Variants in COX7A2 observed in about 807,000 individuals in gnomAD.
COX7A2 encodes cytochrome c oxidase subunit 7A2, mitochondrial.
COX7A2 carries 11 observed loss-of-function variants against 11.6 expected under a neutral mutation model. The observed-to-expected ratio is 0.95, with a 90% CI of 0.60 to 1.57. The LOEUF is 1.57. Among genes scored for constraint, COX7A2 ranks in the 40% most tolerant of loss-of-function variants. The pLI, the probability that COX7A2 is intolerant of heterozygous loss-of-function variation, is 0.00. For missense variants in COX7A2, 106 were observed against 100.9 expected, an observed-to-expected ratio of 1.05 and a Z score of -0.22; for synonymous variants, 30 against 38.2, an observed-to-expected ratio of 0.78 and a Z score of 0.79.
intron 1 of COX7A2, among the ~76,000 whole-genome samples, chr6:75,249,474 C>T (rs1181959625): frequency 7.2e-5 from 11 of 152,130 alleles, no homozygotes; most frequent in Admixed American, 7.2e-4. Flanking sequence ...AGTGACATGA[C>T]TGAACGTAAG....
intron 1 of COX7A2, among the ~76,000 whole-genome samples, chr6:75,249,299 C>T (rs1175265500): frequency 6.6e-6 from 1 of 152,110 alleles, no homozygotes; most frequent in Non-Finnish European, 1.5e-5. Flanking sequence ...TAAGTCATTC[C>T]AGATGTAGGA....
chr6:75,244,063 T>C (rs1436917769), upstream of COX7A2: 4 of 395,940 alleles, frequency 1.0e-5, no homozygotes, highest in Admixed American at 1.6e-4. Flanking sequence ...ATGAAGTCAA[T>C]GTGAGACCAG....
At chr6:75,246,907 T>C (rs1362159535), upstream of COX7A2, among the ~76,000 whole-genome samples, 2 of 152,228 alleles carry the variant, frequency 1.3e-5, no homozygotes, top group Non-Finnish European at 2.9e-5. Context: ...ATTCATCCTC[T>C]GAACCAGAAG....
In COX7A2 at chr6:75,240,331, A is replaced by G. The variant is rs754053902; in HGVS notation, c.163T>C (p.Tyr55His). The G allele has an allele frequency of 6.2e-7, 1 of 1,611,306 alleles. No homozygotes were observed. The highest frequency in any genetic ancestry group is 1.1e-5 in the South Asian group (1 of 90,744). The change falls in exon 3 of 4, where the codon TAT (tyrosine) becomes CAT (histidine). Residue 55 changes from tyrosine (Y) to histidine (H), a missense_variant. Tyr to His is a moderately conservative substitution (Grantham distance 83). Coordinates refer to ENST00000684430, the MANE Select transcript of COX7A2 (RefSeq NM_001366293.2). The stretch of plus-strand genomic sequence containing the variant: ...ACTGTAAGAATCATGGTGGCTCTAT[A>G]CAGGAGGGCATCAGCTACCCCACCC... Reference protein sequence around the residue: ...LKGGVADALLYRATMILTVGG... With the variant: ...LKGGVADALLHRATMILTVGG...
At chr6:75,244,017 A>G (rs143666148), upstream of COX7A2, 1,347 of 536,960 alleles carry the variant, frequency 2.5e-3, 3 homozygotes, top group Non-Finnish European at 3.8e-3. Flanking sequence ...CTGGGGAAAA[A>G]GCAAACGATT....
At chr6:75,249,873 G>A (rs1463405099) in intron 1 of COX7A2, among the ~76,000 whole-genome samples, 1 of 152,164 alleles carries the variant, frequency 6.6e-6, no homozygotes, top group African/African-American at 2.4e-5. Flanking sequence ...TAGGGTCAGA[G>A]AGTCTGTCAG....
chr6:75,238,062 C>T, intron 3 of COX7A2, 74 bp from the exon 4 acceptor site: 1 of 1,061,426 alleles, frequency 9.4e-7, no homozygotes, highest in Non-Finnish European at 1.3e-6. Flanking sequence ...TATTCCAGTT[C>T]AAAAGTTGTA....
At chr6:75,243,992 T>A (rs371976911), upstream of COX7A2, 77 of 594,748 alleles carry the variant, frequency 1.3e-4, no homozygotes, top group African/African-American at 1.2e-3. Flanking sequence ...AGTAGGCTGG[T>A]CCCTGGAGCT....
chr6:75,244,020 A>T, upstream of COX7A2: 1 of 531,626 alleles, frequency 1.9e-6, no homozygotes, highest in South Asian at 2.1e-5. Flanking sequence ...GGGAAAAAGC[A>T]AACGATTTAT....
At chr6:75,243,839 T>A (rs754120103), upstream of COX7A2, 25 of 1,613,100 alleles carry the variant, frequency 1.5e-5, no homozygotes, top group African/African-American at 4.0e-5. Context: ...ATTCACGAAC[T>A]TAAATCTTTC....
At chr6:75,243,548 G>A (rs539576080) in intron 1 of COX7A2, among the ~76,000 whole-genome samples, 169 bp downstream of exon 1, 15 of 152,228 alleles carry the variant, frequency 9.9e-5, no homozygotes, top group African/African-American at 3.6e-4. Flanking sequence ...CCTGGGGCGA[G>A]AGGAATAGAC....
chr6:75,240,489 CTAGAAT>C (rs1771465575), intron 2 of COX7A2, 104 bp from the exon 3 acceptor site: 4 of 702,732 alleles, frequency 5.7e-6, no homozygotes, highest in South Asian at 4.5e-5. Flanking sequence ...CCTTAAATCC[CTAGAAT>C]TAAAGTATTT....
At chr6:75,241,063 T>C in intron 2 of COX7A2, 113 bp downstream of exon 2, 1 of 1,354,418 alleles carries the variant, frequency 7.4e-7, no homozygotes, top group Non-Finnish European at 9.9e-7. Flanking sequence ...ACTTTTTTTG[T>C]AATGTTTATA....
At chr6:75,238,894 C>A (rs1192368216) in intron 3 of COX7A2, among the ~76,000 whole-genome samples, 1 of 151,728 alleles carries the variant, frequency 6.6e-6, no homozygotes, top group Non-Finnish European at 1.5e-5. Context: ...GAGCTCACTG[C>A]AACCTCCGCC....
At chr6:75,250,034 A>G (rs1020964139) in intron 1 of COX7A2, 1 of 32,024 alleles carries the variant, frequency 3.1e-5, no homozygotes, top group Non-Finnish European at 1.4e-4. Context: ...GCTGGAGAAG[A>G]GAGCTAGGGT....
chr6:75,243,332 A>C (rs1221727864), intron 1 of COX7A2, among the ~76,000 whole-genome samples: 1 of 152,176 alleles, frequency 6.6e-6, no homozygotes, highest in Admixed American at 6.5e-5. Context: ...AAAACCTTTC[A>C]GTACCAGAAA....
In COX7A2 at chr6:75,243,727, C is replaced by A. The variant is rs781527752; in HGVS notation, c.8G>T (p.Arg3Leu). 5.0e-6 allele frequency: 8 copies of A among 1,613,674 alleles called. No individual in the cohort carries two copies. Among genetic ancestry groups the A allele is most frequent in the Non-Finnish European group, 6.8e-6 (8 of 1,179,780 alleles). MLRNLLALRQIGQ... is the reference protein window; with the variant it reads MLLNLLALRQIGQ... ...TGAGAAGCTCCTCACCAGCAGATTC[C>A]GCAGCATCTTGGCTGTTACTGACCA... Residue 3 changes from arginine to leucine, a missense_variant, in exon 1 of 4, where the codon CGG (arginine) becomes CTG (leucine). Transcript: ENST00000684430.
At chr6:75,249,451 GC>G (rs1315859472) in intron 1 of COX7A2, among the ~76,000 whole-genome samples, 1 of 152,204 alleles carries the variant, frequency 6.6e-6, no homozygotes, top group African/African-American at 2.4e-5. Context: ...TCCTGAATCT[GC>G]CATTTAGTGG....
rs139079443 is a variant in COX7A2 at position 75,241,239 on chromosome 6, C to G, written c.45G>C (p.Thr15=). The part of the protein sequence containing the change: ...LLALRQIGQR[T]ISTASRRHFK... ...AATGCCTGCGGGAAGCAGTGCTTAT[C>G]GTCCTCTGCCCAATCTGACGAAGAG... The change falls in exon 2 of 4, where the codon ACG becomes ACC. Residue 15 remains threonine, a synonymous_variant. Transcript: ENST00000684430. 111 of 1,576,310 alleles carry G rather than the reference C, an allele frequency of 7.0e-5. No individual in the cohort carries two copies. The African/African-American group carries it at 1.4e-3, about 19-fold the overall frequency.
Sources: allele counts gnomAD v4.1 joint callset (sites outside exome capture counted in the v4.1 genomes callset), GRCh38; gene constraint gnomAD v4.1.1; transcripts MANE v1.5; gene names NCBI Gene and HGNC (gene_info 2026-07-23, HGNC 2026-07-21).